The following ASIC2 variants were observed in gnomAD, a reference collection of about 807,000 sequenced individuals.
ASIC2 encodes the protein acid-sensing ion channel 2.
ASIC2 carries 25 observed loss-of-function variants against 57.3 expected under a neutral mutation model. The observed-to-expected ratio is 0.44, with a 90% CI of 0.32 to 0.61. The LOEUF is 0.61. Among genes scored for constraint, ASIC2 ranks in the 20% least tolerant of loss-of-function variants. The pLI is 0.06. For missense variants in ASIC2, 641 were observed against 738.1 expected (o/e 0.87, Z 1.52); for synonymous variants, 319 against 307.5 (o/e 1.04, Z -0.39).
chr17:34,099,104 G>A (rs962272221), intron 1 of ASIC2, among the ~76,000 whole-genome samples: 4 of 16,462 alleles, frequency 2.4e-4, no homozygotes, highest in Admixed American at 8.1e-4. Context: ...AGAGAGAAAA[G>A]AGAGAGAGAG....
At chr17:33,560,605 G>T (rs370952632) in intron 1 of ASIC2, among the ~76,000 whole-genome samples, 4 of 152,102 alleles carry the variant, frequency 2.6e-5, no homozygotes, top group Non-Finnish European at 5.9e-5. Flanking sequence ...ACTCAAATGA[G>T]GTCAAAAGTT....
At chr17:33,426,194 T>A (rs1365877930) in intron 1 of ASIC2, among the ~76,000 whole-genome samples, 3 of 152,178 alleles carry the variant, frequency 2.0e-5, no homozygotes, top group Non-Finnish European at 4.4e-5. Context: ...GGAACACAGA[T>A]CATGGAAGAA....
chr17:33,745,630 T>C, intron 1 of ASIC2, among the ~76,000 whole-genome samples: 1 of 151,310 alleles, frequency 6.6e-6, no homozygotes, highest in African/African-American at 2.4e-5. Flanking sequence ...CAGAAAGCAG[T>C]GGGATGACAT....
intron 1 of ASIC2, among the ~76,000 whole-genome samples, chr17:33,148,694 C>T (rs1250094906): frequency 1.3e-5 from 2 of 152,090 alleles, no homozygotes; most frequent in East Asian, 3.8e-4. Context: ...AGATGGATGT[C>T]CTGCTCAGAC....
intron 1 of ASIC2, among the ~76,000 whole-genome samples, chr17:33,740,560 G>T (rs953266532): frequency 6.6e-6 from 1 of 152,120 alleles, no homozygotes; most frequent in Non-Finnish European, 1.5e-5. Context: ...CATGACACTT[G>T]GGGATTATGC....
At chr17:33,174,477 A>G (rs965748267) in intron 1 of ASIC2, among the ~76,000 whole-genome samples, 1 of 151,942 alleles carries the variant, frequency 6.6e-6, no homozygotes, top group South Asian at 2.1e-4. Flanking sequence ...TCAAAAATTC[A>G]CCATCACTTA....
chr17:33,897,616 T>A (rs1915127134), intron 1 of ASIC2, among the ~76,000 whole-genome samples: 1 of 152,252 alleles, frequency 6.6e-6, no homozygotes, highest in Admixed American at 6.5e-5. Context: ...AAACTGCACT[T>A]GCAGCAAATG....
At chr17:33,440,663 T>C (rs1158733666) in intron 1 of ASIC2, among the ~76,000 whole-genome samples, 3 of 152,220 alleles carry the variant, frequency 2.0e-5, no homozygotes, top group Non-Finnish European at 4.4e-5. Context: ...TTTTAGTAGA[T>C]GTGTAGTGAT....
At position 33,403,021 on chromosome 17, in the gene ASIC2, C is replaced by T. The variant is rs555765438; in HGVS notation, c.556-290954G>A. Among the ~76,000 whole-genome samples the T allele has an allele frequency of 3.0e-4, 46 of 152,214 alleles. 1 individual carries two copies. Among genetic ancestry groups the T allele is most frequent in the African/African-American group, 8.4e-4 (35 of 41,544 alleles). On this transcript the variant is annotated intron_variant, in intron 1 of 9. Transcript: ENST00000359872. ...CTTTTATACTGTTGGTGGGATCAAT[C>T]GTGACTTTGTATGGTCAAAATATTT...
intron 1 of ASIC2, among the ~76,000 whole-genome samples, chr17:33,212,678 G>C (rs955524984): frequency 6.6e-6 from 1 of 152,232 alleles, no homozygotes; most frequent in Non-Finnish European, 1.5e-5. Context: ...GGCAAGAAAG[G>C]AATGGGCTGG....
At chr17:34,085,470 G>A (rs1910077054) in intron 1 of ASIC2, among the ~76,000 whole-genome samples, 2 of 152,314 alleles carry the variant, frequency 1.3e-5, no homozygotes, top group African/African-American at 4.8e-5. Flanking sequence ...TTGCATCGAT[G>A]TTCATCAAGG....
intron 1 of ASIC2, among the ~76,000 whole-genome samples, chr17:33,886,815 C>A (rs937845925): frequency 6.6e-6 from 1 of 152,060 alleles, no homozygotes; most frequent in African/African-American, 2.4e-5. Flanking sequence ...ATGGGCTAGA[C>A]ATGCAGGTTC....
At chr17:33,416,706 C>T (rs1404447655) in intron 1 of ASIC2, among the ~76,000 whole-genome samples, 4 of 152,184 alleles carry the variant, frequency 2.6e-5, no homozygotes, top group Non-Finnish European at 5.9e-5. Flanking sequence ...TTTATTTTGC[C>T]ATTTGTCAAA....
At chr17:33,845,922 T>C (rs1245675804) in intron 1 of ASIC2, among the ~76,000 whole-genome samples, 1 of 152,176 alleles carries the variant, frequency 6.6e-6, no homozygotes, top group Non-Finnish European at 1.5e-5. Context: ...CATTTAGCTG[T>C]TTAGCTAAAA....
chr17:33,693,919 C>T (rs962955698), intron 1 of ASIC2, among the ~76,000 whole-genome samples: 3 of 152,182 alleles, frequency 2.0e-5, no homozygotes, highest in Non-Finnish European at 4.4e-5. Flanking sequence ...AGTGTCACGA[C>T]CAATTTGTTG....
intron 1 of ASIC2, among the ~76,000 whole-genome samples, chr17:33,697,570 A>G (rs1325585886): frequency 2.6e-5 from 4 of 152,206 alleles, no homozygotes; most frequent in Admixed American, 6.5e-5. Flanking sequence ...TGGAAAGCCT[A>G]CTTCATTCAC....
intron 1 of ASIC2, among the ~76,000 whole-genome samples, chr17:33,197,761 C>T (rs1906693090): frequency 6.6e-6 from 1 of 152,174 alleles, no homozygotes; most frequent in Non-Finnish European, 1.5e-5. Flanking sequence ...GACCCCTCTC[C>T]CTGGGTACTG....
At chr17:33,051,113 T>C (rs1028044089) in intron 3 of ASIC2, among the ~76,000 whole-genome samples, 1 of 152,164 alleles carries the variant, frequency 6.6e-6, no homozygotes, top group Non-Finnish European at 1.5e-5. Context: ...TGGATAGACC[T>C]TCTTTTCAGA....
chr17:33,028,327 A>G lies in ASIC2; in HGVS notation c.1053T>C (p.Pro351=). 4 of 1,614,206 alleles carry G rather than the reference A, an allele frequency of 2.5e-6. No homozygotes were observed. The highest frequency in any genetic ancestry group is 3.4e-6 in the Non-Finnish European group (4 of 1,180,042). The change falls in exon 4 of 10, where the codon CCT becomes CCC. Residue 351 remains proline (P), a synonymous_variant. Coordinates refer to ENST00000225823, the MANE Select transcript of ASIC2 (RefSeq NM_183377.2). ...TCCTACAGGCGGTGATGCTGTAAAC[A>G]GGAAAAAAGTCGAGGCCCATCTCTG... ...RSSEMGLDFF[P]VYSITACRID...
Sources: gnomAD v4.1 joint callset for allele counts (sites outside exome capture counted in the v4.1 genomes callset) on GRCh38, gnomAD v4.1.1 for gene constraint, MANE v1.5 for transcripts, NCBI Gene and HGNC (gene_info 2026-07-23, HGNC 2026-07-21) for gene names.